TG: variants seen among roughly 807,000 people sequenced by gnomAD.
The protein encoded by TG is thyroglobulin, also known as thyroid hormones.
TG carries 270 observed loss-of-function variants against 324.7 expected under a neutral mutation model. That is an observed-to-expected ratio of 0.83 (90% CI 0.75 to 0.92). The LOEUF is 0.92. TG is among the 40% of genes least tolerant of loss of function. The probability of loss-of-function intolerance (pLI) is 0.00; values close to 1 mark genes in which losing one functional copy is unlikely to be tolerated. For synonymous variants in TG, 1,401 were observed against 1,327.0 expected (o/e 1.06, Z -1.21); for missense variants, 3,591 against 3,456.4 (o/e 1.04, Z -0.98).
At chr8:132,968,105 A>G (rs2130474040) in intron 31 of TG, 135 bp downstream of exon 31, 2 of 1,068,658 alleles carry the variant, frequency 1.9e-6, no homozygotes, top group East Asian at 2.6e-5. Flanking sequence ...GAAGATGGGA[A>G]CATGGATCCA....
chr8:133,028,669 T>C (rs1836333213), intron 40 of TG, among the ~76,000 whole-genome samples: 2 of 152,184 alleles, frequency 1.3e-5, no homozygotes, highest in African/African-American at 4.8e-5. Context: ...CACACGAACA[T>C]GAACTTGTCC....
At chr8:133,126,883 A>G (rs1208532754) in intron 45 of TG, among the ~76,000 whole-genome samples, 1 of 152,154 alleles carries the variant, frequency 6.6e-6, no homozygotes, top group Non-Finnish European at 1.5e-5. Context: ...CTTTGGAGGA[A>G]GCTATGGAGA....
chr8:132,882,037 A>C (rs1814715198), intron 6 of TG, 68 bp downstream of exon 6: 2 of 1,184,558 alleles, frequency 1.7e-6, no homozygotes, highest in African/African-American at 3.0e-5. Flanking sequence ...AACCTGGATA[A>C]CATTGCTTGT....
At chr8:132,935,376 C>T (rs1383024718) in intron 24 of TG, among the ~76,000 whole-genome samples, 3 of 151,690 alleles carry the variant, frequency 2.0e-5, no homozygotes, top group African/African-American at 7.3e-5. Context: ...ACTCTAGACC[C>T]CAAATGATCC....
chr8:133,125,688 T>C (rs1052618227), intron 45 of TG, among the ~76,000 whole-genome samples: 2 of 152,158 alleles, frequency 1.3e-5, no homozygotes, highest in Non-Finnish European at 2.9e-5. Context: ...ATGGGCCAGC[T>C]GTGGAGTTCA....
chr8:133,098,426 C>G (rs1047211619), intron 43 of TG, among the ~76,000 whole-genome samples: 2 of 152,162 alleles, frequency 1.3e-5, no homozygotes, highest in African/African-American at 2.4e-5. Context: ...GCCCTGGAGA[C>G]AGTACTCTGA....
At chr8:133,064,487 T>C (rs1711761559) in intron 41 of TG, among the ~76,000 whole-genome samples, 1 of 152,200 alleles carries the variant, frequency 6.6e-6, no homozygotes, top group African/African-American at 2.4e-5. Flanking sequence ...CAGGGGTTAG[T>C]CACCTGCCCA....
At chr8:132,935,628 A>G (rs1823470135) in intron 24 of TG, 128 bp from the exon 25 acceptor site, 2 of 791,916 alleles carry the variant, frequency 2.5e-6, no homozygotes, top group African/African-American at 1.7e-5. Flanking sequence ...GTCTCCTCCA[A>G]TAGACCAGGA....
intron 27 of TG, among the ~76,000 whole-genome samples, chr8:132,957,453 C>G (rs1032705537): frequency 1.3e-5 from 2 of 152,074 alleles, no homozygotes; most frequent in Non-Finnish European, 2.9e-5. Context: ...TGATGTGCAC[C>G]TGCGGGAAGC....
chr8:132,877,129 CTTATT>C (rs75415252), intron 5 of TG, among the ~76,000 whole-genome samples: 1 of 150,640 alleles, frequency 6.6e-6, no homozygotes, highest in Non-Finnish European at 1.5e-5. Flanking sequence ...ACGGCCCCCT[CTTATT>C]TTATTTTATT....
At chr8:132,995,129 T>A (rs1309169272) in intron 35 of TG, 1 of 973,064 alleles carries the variant, frequency 1.0e-6, no homozygotes, top group Non-Finnish European at 1.2e-6. Flanking sequence ...TGGGCAGATC[T>A]CAGTCTCTGT....
intron 7 of TG, 100 bp downstream of exon 7, chr8:132,882,712 G>A: frequency 6.2e-7 from 1 of 1,611,776 alleles, no homozygotes; most frequent in Non-Finnish European, 8.5e-7. Context: ...ACCAAAGTGA[G>A]GGCAGAGATG....
chr8:132,969,098 C>T (rs931754287), intron 31 of TG, among the ~76,000 whole-genome samples: 20 of 152,100 alleles, frequency 1.3e-4, no homozygotes, highest in Non-Finnish European at 2.2e-4. Context: ...CACCTTCACC[C>T]CCAGGGCTGC....
Position 132,963,009 on chromosome 8 carries a change from C to G in TG, c.5483C>G (p.Ser1828Cys). The G allele has an allele frequency of 1.9e-6, 3 of 1,613,970 alleles. No homozygotes were observed. Among genetic ancestry groups the G allele is most frequent in the Non-Finnish European group, 2.5e-6 (3 of 1,179,896 alleles). Reference protein sequence around the residue: ...VYLWKDSDMGSRPESMGCRKD... With the variant: ...VYLWKDSDMGCRPESMGCRKD... ...TTCCTCCTAGATTCTGACATGGGGT[C>G]TCGGCCTGAGTCTATGGGATGTAGA... The change falls in exon 29 of 48, where the codon TCT becomes TGT. Residue 1828 changes from serine (S) to cysteine (C), a missense_variant. Physicochemically the swap from Ser to Cys is moderately radical, Grantham distance 112. Transcript: ENST00000220616.
rs1563951792 is a variant in TG, at chr8:132,917,035, C to CCT, written c.4379-2341_4379-2340insCT. 6.5e-3 allele frequency among the ~76,000 whole-genome samples: 548 copies of CCT among 84,512 alleles called. 5 individuals carry two copies. Among genetic ancestry groups the CCT allele is most frequent in the Middle Eastern group, 0.036 (6 of 166 alleles). The allele number at this position is 84,512 out of a possible 152,430, so 55.4% of individuals were successfully genotyped here. ...CCTTCCTCCCTCCATGCCTCCCTCC[C>CCT]TCCCTCCCTCCTTCCTTCCTTCCTT... On this transcript the variant is annotated intron_variant, in intron 20 of 47. Coordinates refer to ENST00000220616, the MANE Select transcript of TG (RefSeq NM_003235.5).
intron 41 of TG, chr8:133,063,641 C>T (rs566844203): frequency 6.6e-6 from 1 of 152,284 alleles, no homozygotes; most frequent in South Asian, 2.1e-4. Context: ...TCTACGCTAA[C>T]AGTCTTCTCT....
intron 41 of TG, chr8:133,037,461 G>T (rs370220712): frequency 6.6e-6 from 1 of 152,034 alleles, no homozygotes; most frequent in Non-Finnish European, 1.5e-5. Context: ...TTACCTACCC[G>T]ATCCAGCCAG....
intron 41 of TG, among the ~76,000 whole-genome samples, chr8:133,032,316 A>T (rs1478240746): frequency 6.6e-6 from 1 of 152,122 alleles, no homozygotes; most frequent in Non-Finnish European, 1.5e-5. Flanking sequence ...ACATCTTTCA[A>T]TTCCTGGTGT....
At chr8:132,935,253 G>A (rs894819729) in intron 24 of TG, among the ~76,000 whole-genome samples, 9 of 151,298 alleles carry the variant, frequency 5.9e-5, no homozygotes, top group Non-Finnish European at 1.2e-4. Flanking sequence ...TGATTCTCTC[G>A]CCTCAGCCTC....
Sources: gnomAD v4.1 joint callset for allele counts (sites outside exome capture counted in the v4.1 genomes callset) on GRCh38, gnomAD v4.1.1 for gene constraint, MANE v1.5 for transcripts, NCBI Gene and HGNC (gene_info 2026-07-23, HGNC 2026-07-21) for gene names.